CDH13: variants seen among roughly 807,000 people sequenced by gnomAD.
The protein encoded by CDH13 is cadherin-13.
In CDH13, 24 loss-of-function variants were observed where a neutral mutation model predicts 63.8. The observed-to-expected ratio is 0.38, with a 90% CI of 0.27 to 0.53. The LOEUF is 0.53. Ranked by LOEUF, CDH13 falls within the 20% of genes least tolerant of loss-of-function variation. CDH13 has a pLI of 0.85. For missense variants in CDH13, 1,049 were observed against 903.1 expected (o/e 1.16, Z -2.07); for synonymous variants, 503 against 355.3 (o/e 1.42, Z -4.67).
intron 6 of CDH13, among the ~76,000 whole-genome samples, chr16:83,356,782 C>A (rs2091065217): frequency 6.6e-6 from 1 of 152,092 alleles, no homozygotes; most frequent in African/African-American, 2.4e-5. Flanking sequence ...AAATATAGGT[C>A]ATGAATTGAG....
chr16:83,293,541 AGCTTGATTTGGTGTCTATATTC>A (rs2089515019), intron 5 of CDH13, among the ~76,000 whole-genome samples: 1 of 152,208 alleles, frequency 6.6e-6, no homozygotes, highest in African/African-American at 2.4e-5. Context: ...TAGACTCAGA[AGCTTGATTTGGTGTCTATATTC>A]AGAGGTTATT....
At chr16:82,754,438 G>C (rs184123373) in intron 1 of CDH13, among the ~76,000 whole-genome samples, 1 of 152,150 alleles carries the variant, frequency 6.6e-6, no homozygotes, top group Admixed American at 6.5e-5. Context: ...ATCCTAAAGA[G>C]AGCTGTTGGA....
chr16:83,448,997 G>A (rs748716422), intron 6 of CDH13, among the ~76,000 whole-genome samples: 12 of 152,266 alleles, frequency 7.9e-5, no homozygotes, highest in African/African-American at 2.2e-4. Context: ...CCTAGATACC[G>A]AATTTCCACA....
chr16:82,848,791 G>T lies in CDH13; in HGVS notation c.46-9571G>T, dbSNP rs80122203. ...TTTCTTTGCCTCTAAGTGTTCAAGAGAAAGGAGGAGTTGCATGTCTCTCTC... is the reference window on the plus strand; with the variant it reads ...TTTCTTTGCCTCTAAGTGTTCAAGATAAAGGAGGAGTTGCATGTCTCTCTC... On this transcript the variant is annotated intron_variant, in intron 1 of 13. Coordinates refer to ENST00000567109, the MANE Select transcript of CDH13 (RefSeq NM_001257.5). 7.1e-3 allele frequency among the ~76,000 whole-genome samples: 1,080 copies of T among 152,276 alleles called. 9 individuals are homozygous for T. The highest frequency in any genetic ancestry group is 0.024 in the African/African-American group (985 of 41,550).
At chr16:83,139,059 C>T (rs1201735846) in intron 4 of CDH13, among the ~76,000 whole-genome samples, 1 of 151,706 alleles carries the variant, frequency 6.6e-6, no homozygotes, top group African/African-American at 2.4e-5. Flanking sequence ...GTTTTATCCA[C>T]CTCCCCGTAG....
At chr16:83,435,470 G>C (rs796840498) in intron 6 of CDH13, among the ~76,000 whole-genome samples, 2 of 152,102 alleles carry the variant, frequency 1.3e-5, no homozygotes, top group African/African-American at 4.8e-5. Flanking sequence ...ACTCTGATGT[G>C]GTCCAGCCCT....
At chr16:82,946,581 C>T (rs1359471535) in intron 2 of CDH13, among the ~76,000 whole-genome samples, 3 of 151,890 alleles carry the variant, frequency 2.0e-5, no homozygotes, top group Admixed American at 1.3e-4. Flanking sequence ...ATTAGCCTGG[C>T]GTGGTGGCCT....
chr16:82,698,261 C>G (rs1369733013), intron 1 of CDH13, among the ~76,000 whole-genome samples: 1 of 152,198 alleles, frequency 6.6e-6, no homozygotes, highest in Non-Finnish European at 1.5e-5. Flanking sequence ...GCATGTCAAG[C>G]ATATGTTTGC....
chr16:82,806,269 G>A lies in CDH13; in HGVS notation c.46-52093G>A, dbSNP rs576618635. The stretch of plus-strand genomic sequence containing the variant: ...ACCATCAACATGTCCCTTTTTACAT[G>A]TCTGCTATTTGTCTCCTCTTCTTTC... On this transcript the variant is annotated intron_variant, in intron 1 of 13. Coordinates refer to ENST00000567109, the MANE Select transcript of CDH13 (RefSeq NM_001257.5). Among the ~76,000 whole-genome samples the A allele has an allele frequency of 4.7e-4, 72 of 152,210 alleles. 1 individual carries two copies. Among genetic ancestry groups the A allele is most frequent in the African/African-American group, 1.7e-3 (72 of 41,518 alleles).
At chr16:83,058,584 A>G (rs948788760) in intron 3 of CDH13, among the ~76,000 whole-genome samples, 2 of 152,174 alleles carry the variant, frequency 1.3e-5, no homozygotes, top group Non-Finnish European at 2.9e-5. Flanking sequence ...TTAGGGGCCA[A>G]TCTCCACTCC....
At chr16:83,447,502 G>C (rs564524021) in intron 6 of CDH13, among the ~76,000 whole-genome samples, 1 of 152,068 alleles carries the variant, frequency 6.6e-6, no homozygotes, top group African/African-American at 2.4e-5. Context: ...GTTAGACAAG[G>C]GATGTTGCCC....
chr16:83,065,730 A>G (rs113676730), intron 3 of CDH13, among the ~76,000 whole-genome samples: 52 of 25,916 alleles, frequency 2.0e-3, no homozygotes, highest in Admixed American at 9.4e-3. Context: ...ACAAAAAAAC[A>G]AAAAAAAAAA....
chr16:82,774,419 G>C (rs551857655), intron 1 of CDH13, among the ~76,000 whole-genome samples: 32 of 151,912 alleles, frequency 2.1e-4, no homozygotes, highest in Non-Finnish European at 1.6e-4. Flanking sequence ...TGAGAAATAA[G>C]TGAGTCTGTA....
chr16:83,134,246 G>T (rs956991517), intron 4 of CDH13, among the ~76,000 whole-genome samples: 15 of 152,116 alleles, frequency 9.9e-5, no homozygotes, highest in African/African-American at 3.6e-4. Flanking sequence ...GGGCTGGAGT[G>T]CAGTGGCACA....
intron 1 of CDH13, among the ~76,000 whole-genome samples, chr16:82,849,193 A>G (rs866199977): frequency 1.1e-4 from 17 of 152,322 alleles, no homozygotes; most frequent in Middle Eastern, 6.8e-3. Flanking sequence ...TAAAGAAACG[A>G]TCCCTATAAC....
chr16:83,283,631 GGGGCAATATCTACCTGAAAT>G (rs1324754672), intron 5 of CDH13, among the ~76,000 whole-genome samples: 1 of 152,120 alleles, frequency 6.6e-6, no homozygotes, highest in Non-Finnish European at 1.5e-5. Flanking sequence ...TGTGCAGCCA[GGGGCAATATCTACCTGAAAT>G]GTCCTTTAGT....
chr16:83,306,666 T>C (rs566616508), intron 5 of CDH13, among the ~76,000 whole-genome samples: 4 of 152,110 alleles, frequency 2.6e-5, no homozygotes, highest in Non-Finnish European at 5.9e-5. Flanking sequence ...GACTAGACTA[T>C]AGGGGTAGCA....
At position 83,345,277 on chromosome 16, in the gene CDH13, G is replaced by A. The variant is rs146086366; in HGVS notation, c.781+271G>A. Among the ~76,000 whole-genome samples the A allele has an allele frequency of 3.1e-3, 467 of 152,266 alleles. 5 individuals are homozygous for A. The highest frequency in any genetic ancestry group is 0.011 in the African/African-American group (451 of 41,552). ...AGTCTCTAAGGCATGGCCGATGTTGGGCACCATGTAAATATCCAGCTTACC... is the reference window on the plus strand; with the variant it reads ...AGTCTCTAAGGCATGGCCGATGTTGAGCACCATGTAAATATCCAGCTTACC... On this transcript the variant is annotated intron_variant, in intron 6 of 13. Coordinates refer to ENST00000567109, the MANE Select transcript of CDH13 (RefSeq NM_001257.5).
At chr16:83,143,909 G>A (rs924610423) in intron 4 of CDH13, among the ~76,000 whole-genome samples, 2 of 152,058 alleles carry the variant, frequency 1.3e-5, no homozygotes, top group African/African-American at 4.8e-5. Flanking sequence ...ACACAGGCGT[G>A]TCCCAGTCCT....
Sources: gnomAD v4.1 joint callset for allele counts (sites outside exome capture counted in the v4.1 genomes callset) on GRCh38, gnomAD v4.1.1 for gene constraint, MANE v1.5 for transcripts, NCBI Gene and HGNC (gene_info 2026-07-23, HGNC 2026-07-21) for gene names.